Variants in TECPR2 observed in about 807,000 individuals in gnomAD.
The protein encoded by TECPR2 is tectonin beta-propeller repeat-containing protein 2.
In TECPR2, 65 loss-of-function variants were observed where a neutral mutation model predicts 138.1. The ratio of observed to expected loss-of-function variants is 0.47; its 90% CI spans 0.39 to 0.58. TECPR2 has a LOEUF of 0.58. TECPR2 is among the 20% of genes least tolerant of loss of function. The pLI, the probability that TECPR2 is intolerant of heterozygous loss-of-function variation, is 0.00. For missense variants in TECPR2, 1,553 were observed against 1,824.5 expected, an observed-to-expected ratio of 0.85 and a Z score of 2.71; for synonymous variants, 746 against 749.8, an observed-to-expected ratio of 0.99 and a Z score of 0.08.
At chr14:102,462,026 A>G (rs1035250036) in intron 16 of TECPR2, among the ~76,000 whole-genome samples, 2 of 152,180 alleles carry the variant, frequency 1.3e-5, no homozygotes, top group Non-Finnish European at 2.9e-5. Context: ...AAGCTGGTTT[A>G]TGCACTGGAA....
chr14:102,363,513 G>A (rs1887248475), intron 1 of TECPR2, among the ~76,000 whole-genome samples: 3 of 151,598 alleles, frequency 2.0e-5, no homozygotes, highest in African/African-American at 7.3e-5. Flanking sequence ...CGCAGCCCGC[G>A]TCCCTTACAT....
At chr14:102,426,810 G>A (rs1201949073) in intron 6 of TECPR2, among the ~76,000 whole-genome samples, 1 of 152,180 alleles carries the variant, frequency 6.6e-6, no homozygotes, top group African/African-American at 2.4e-5. Context: ...AATGAGCCAA[G>A]ATCACACCAC....
At chr14:102,465,923 C>T (rs1482078621) in intron 17 of TECPR2, among the ~76,000 whole-genome samples, 1 of 152,136 alleles carries the variant, frequency 6.6e-6, no homozygotes. Flanking sequence ...AAGTTTATAA[C>T]TGGGGGCTGT....
At position 102,376,720 on chromosome 14, in the gene TECPR2, C is replaced by T. The variant is rs17100874; in HGVS notation, c.-2C>T. On this transcript the variant is annotated 5_prime_UTR_variant, in exon 2 of 20. Coordinates refer to ENST00000359520, the MANE Select transcript of TECPR2 (RefSeq NM_014844.5). ...TGAAGATAGTCTGTGGAAACCTTGGCCATGGCATCGATATCAGAGCCTGTT... is the reference window on the plus strand; with the variant it reads ...TGAAGATAGTCTGTGGAAACCTTGGTCATGGCATCGATATCAGAGCCTGTT... The T allele has an allele frequency of 0.033, 53,775 of 1,613,746 alleles. 1,257 individuals are homozygous for T. The highest frequency in any genetic ancestry group is 0.098 in the South Asian group (8,950 of 91,058).
rs1009173415 is a variant in TECPR2 at position 102,440,357 on chromosome 14, A to G, written c.2579-79A>G. ...GTGTTTTAGAAATCTTTCTCCCCTC[A>G]ATGCCCAGCATGAAGACTTTTGTAT... On this transcript the variant is annotated intron_variant, in intron 10 of 19. Coordinates refer to ENST00000359520, the MANE Select transcript of TECPR2 (RefSeq NM_014844.5). 2.6e-6 allele frequency: 4 copies of G among 1,539,602 alleles called. No homozygotes were observed. The African/African-American group carries it at 5.5e-5, about 21-fold the overall frequency.
chr14:102,493,005 T>C (rs1891189687), intron 17 of TECPR2, among the ~76,000 whole-genome samples: 1 of 152,182 alleles, frequency 6.6e-6, no homozygotes, highest in Admixed American at 6.5e-5. Flanking sequence ...CTCTGCCCGC[T>C]CACGAGCACT....
intron 2 of TECPR2, 60 bp downstream of exon 2, chr14:102,377,000 C>T: frequency 1.3e-6 from 2 of 1,529,948 alleles, no homozygotes; most frequent in African/African-American, 1.4e-5. Context: ...GCTTAACATG[C>T]TTGTGTTCTA....
chr14:102,495,590 C>T (rs920780894), intron 17 of TECPR2, among the ~76,000 whole-genome samples: 3 of 152,194 alleles, frequency 2.0e-5, no homozygotes, highest in African/African-American at 7.2e-5. Flanking sequence ...AGAAACCTGC[C>T]ATGTCTGGGA....
intron 8 of TECPR2, among the ~76,000 whole-genome samples, chr14:102,433,022 G>A (rs1026156739): frequency 7.4e-4 from 110 of 148,580 alleles, no homozygotes; most frequent in African/African-American, 2.6e-3. Flanking sequence ...AAAAAAAAAA[G>A]TGTTGGTTTA....
At chr14:102,467,010 A>G (rs11160683) in intron 17 of TECPR2, among the ~76,000 whole-genome samples, 46,753 of 151,934 alleles carry the variant, frequency 0.31, 7,813 homozygotes, top group East Asian at 0.49. Flanking sequence ...ATTCCTTTTT[A>G]TGACTACATC....
intron 6 of TECPR2, 48 bp from the exon 7 acceptor site, chr14:102,428,202 T>C: frequency 1.3e-6 from 2 of 1,494,596 alleles, no homozygotes; most frequent in Non-Finnish European, 8.9e-7. Flanking sequence ...CTGTTACCGT[T>C]GTTTAGTTTT....
chr14:102,385,171 A>G (rs568681356), intron 2 of TECPR2, among the ~76,000 whole-genome samples: 16 of 152,018 alleles, frequency 1.1e-4, no homozygotes, highest in African/African-American at 3.6e-4. Flanking sequence ...TTCTTTTAGT[A>G]TGGAGTGCTT....
rs1397260242 is a variant in TECPR2, at chr14:102,398,144, TA to T, written c.220-9191del. On this transcript the variant is annotated intron_variant, in intron 2 of 19. Transcript: ENST00000359520. Reference sequence around the variant, plus strand: ...ACAGTGTACAAATAAAATGTAAATATAAATAAAGAGATAGAAACCCTAAAAA... The same window carrying T: ...ACAGTGTACAAATAAAATGTAAATATAATAAAGAGATAGAAACCCTAAAAA... 3.0e-5 allele frequency among the ~76,000 whole-genome samples: 4 copies of T among 135,198 alleles called. No individual in the cohort carries two copies. In the East Asian group the frequency reaches 6.5e-4, roughly 22 times the overall value. The allele number at this position is 135,198 out of a possible 152,430, so 88.7% of individuals were successfully genotyped here.
At chr14:102,482,130 T>G (rs537125322) in intron 17 of TECPR2, among the ~76,000 whole-genome samples, 1 of 152,240 alleles carries the variant, frequency 6.6e-6, no homozygotes, top group Admixed American at 6.5e-5. Context: ...CTCTGCTCAC[T>G]GCAACCTCCA....
chr14:102,399,887 G>A lies in TECPR2; in HGVS notation c.220-7451G>A, dbSNP rs548903726. Among the ~76,000 whole-genome samples, 39 of 151,336 alleles carry A rather than the reference G, an allele frequency of 2.6e-4. No homozygotes were observed. In the East Asian group the frequency reaches 7.5e-3, roughly 29 times the overall value. On this transcript the variant is annotated intron_variant, in intron 2 of 19. Coordinates refer to ENST00000359520, the MANE Select transcript of TECPR2 (RefSeq NM_014844.5). ...AAGAAATGAAGATCTCAAAAGTGAA[G>A]GATATGTGCAATTTTAAAAGCTAAT...
At position 102,499,219 on chromosome 14, in the gene TECPR2, G is replaced by A. The variant is rs1891381740; in HGVS notation, c.*962G>A. Reference sequence around the variant, plus strand: ...GGCGTGGGGGAGCTGAGCAAGGGTCGCTCACTTAGAAATGTCTTTGGAATG... The same window carrying A: ...GGCGTGGGGGAGCTGAGCAAGGGTCACTCACTTAGAAATGTCTTTGGAATG... On this transcript the variant is annotated 3_prime_UTR_variant, in exon 20 of 20. Coordinates refer to ENST00000359520, the MANE Select transcript of TECPR2 (RefSeq NM_014844.5). 2 of 692,310 alleles carry A rather than the reference G, an allele frequency of 2.9e-6. No homozygotes were observed. Among genetic ancestry groups the A allele is most frequent in the African/African-American group, 1.8e-5 (1 of 57,048 alleles). The allele number at this position is 692,310 out of a possible 1,614,324, so 42.9% of individuals were successfully genotyped here.
At position 102,432,079 on chromosome 14, in the gene TECPR2, T is replaced by C. The variant is rs780996550; in HGVS notation, c.1368T>C (p.Leu456=). The C allele has an allele frequency of 1.4e-5, 22 of 1,609,320 alleles. No individual in the cohort carries two copies. The highest frequency in any genetic ancestry group is 1.7e-5 in the Non-Finnish European group (20 of 1,177,660). The change falls in exon 8 of 20, where the codon CTT becomes CTC. Residue 456 remains leucine, a synonymous_variant. Transcript: ENST00000359520. ...AISSEDFDQE[L]VVKPIKVKRK... ...GCTCAGAGGACTTTGACCAGGAGCT[T>C]GTCGTGAAGCCTATCAAAGTGAAAA...
rs76189413 is a variant in TECPR2 at position 102,475,300 on chromosome 14, G to C, written c.3789+10011G>C. ...CTGAGCAGAAGGCACCCTTGCCCAG[G>C]GTGCAGAAAGGGGCTGTATTGGGAG... is the stretch of plus-strand genomic sequence containing the variant. On this transcript the variant is annotated intron_variant, in intron 17 of 19. Transcript: ENST00000359520. Among the ~76,000 whole-genome samples, 662 of 152,332 alleles carry C rather than the reference G, an allele frequency of 4.3e-3. 1 individual carries two copies. The highest frequency in any genetic ancestry group is 0.02 in the Middle Eastern group (6 of 294).
chr14:102,396,857 C>G (rs538400694), intron 2 of TECPR2, among the ~76,000 whole-genome samples: 3 of 152,224 alleles, frequency 2.0e-5, no homozygotes, highest in Non-Finnish European at 2.9e-5. Context: ...TGTGCTCTGA[C>G]TGCTGATTGC....
Sources: allele counts gnomAD v4.1 joint callset (sites outside exome capture counted in the v4.1 genomes callset), GRCh38; gene constraint gnomAD v4.1.1; transcripts MANE v1.5; gene names NCBI Gene and HGNC (gene_info 2026-07-23, HGNC 2026-07-21).